Variants in RABGAP1L observed in about 807,000 individuals in gnomAD.
The protein encoded by RABGAP1L is RAB GTPase activating protein 1 like.
Under a neutral mutation model 137.7 loss-of-function variants are expected in RABGAP1L, and 63 were observed. The observed-to-expected ratio is 0.46, with a 90% CI of 0.37 to 0.56. RABGAP1L has a LOEUF of 0.56. RABGAP1L is among the 20% of genes least tolerant of loss of function. RABGAP1L has a pLI of 0.00. For synonymous variants in RABGAP1L, 431 were observed against 433.7 expected (o/e 0.99, Z 0.08); for missense variants, 1,095 against 1,244.0 (o/e 0.88, Z 1.80).
intron 11 of RABGAP1L, among the ~76,000 whole-genome samples, chr1:174,317,682 C>G (rs1432569348): frequency 6.6e-6 from 1 of 152,194 alleles, no homozygotes; most frequent in African/African-American, 2.4e-5. Flanking sequence ...CCCCAGTCCA[C>G]TGTCTCTGGG....
chr1:174,728,930 C>T (rs376037463), intron 17 of RABGAP1L, among the ~76,000 whole-genome samples: 1 of 152,022 alleles, frequency 6.6e-6, no homozygotes, highest in Admixed American at 6.6e-5. Flanking sequence ...AGTGAGCCAC[C>T]GTGCCTGGCC....
At chr1:174,376,279 T>C (rs1467000153) in intron 12 of RABGAP1L, among the ~76,000 whole-genome samples, 2 of 151,976 alleles carry the variant, frequency 1.3e-5, no homozygotes, top group Non-Finnish European at 2.9e-5. Flanking sequence ...AAAAAATATA[T>C]AAATTCTACA....
At chr1:174,654,643 T>C (rs1315877745) in intron 14 of RABGAP1L, among the ~76,000 whole-genome samples, 1 of 152,184 alleles carries the variant, frequency 6.6e-6, no homozygotes, top group Non-Finnish European at 1.5e-5. Context: ...AAAAAAAATA[T>C]GGTGTTCTAG....
intron 13 of RABGAP1L, among the ~76,000 whole-genome samples, chr1:174,470,307 A>T (rs955070539): frequency 2.0e-5 from 3 of 152,228 alleles, no homozygotes; most frequent in African/African-American, 7.2e-5. Flanking sequence ...GTAATTTTAC[A>T]TATGTACATT....
intron 13 of RABGAP1L, among the ~76,000 whole-genome samples, chr1:174,528,584 G>GTT (rs1398905381): frequency 7.5e-6 from 1 of 133,792 alleles, no homozygotes; most frequent in African/African-American, 2.7e-5. Flanking sequence ...TAGTCTGATG[G>GTT]TTTTTTTTTT....
At chr1:174,939,226 A>C (rs569768999) in intron 19 of RABGAP1L, among the ~76,000 whole-genome samples, 33 of 152,130 alleles carry the variant, frequency 2.2e-4, no homozygotes, top group Middle Eastern at 3.2e-3. Flanking sequence ...TGGTGTTCTA[A>C]CTTTCCTCTC....
chr1:174,852,827 T>A (rs943539962), intron 19 of RABGAP1L, among the ~76,000 whole-genome samples: 10 of 133,766 alleles, frequency 7.5e-5, no homozygotes, highest in East Asian at 2.3e-4. Flanking sequence ...AAAAAAAAAA[T>A]AAAAACAAAA....
rs1198588036 is a variant in RABGAP1L, at chr1:174,550,931, T to TAC, written c.1711-86440_1711-86439dup. Among the ~76,000 whole-genome samples the TAC allele has an allele frequency of 2.5e-4, 21 of 85,502 alleles. 1 individual carries two copies. The highest frequency in any genetic ancestry group is 8.4e-4 in the African/African-American group (13 of 15,396). The allele number at this position is 85,502 out of a possible 152,430, so 56.1% of individuals were successfully genotyped here. On this transcript the variant is annotated intron_variant, in intron 13 of 25. Coordinates refer to ENST00000681986, the MANE Select transcript of RABGAP1L (RefSeq NM_001366446.1). Reference sequence around the variant, plus strand: ...ATATACACACACACACATATATATATACACATATATATACACACATATATA... The same window carrying TAC: ...ATATACACACACACACATATATATATACACACATATATATACACACATATATA...
intron 1 of RABGAP1L, among the ~76,000 whole-genome samples, chr1:174,194,696 C>CA (rs1667447130): frequency 6.6e-6 from 1 of 152,028 alleles, no homozygotes; most frequent in African/African-American, 2.4e-5. Context: ...TAGCCACAGT[C>CA]TCTTGAATAG....
intron 1 of RABGAP1L, among the ~76,000 whole-genome samples, chr1:174,202,875 G>T (rs1010658233): frequency 1.1e-4 from 16 of 152,150 alleles, no homozygotes; most frequent in African/African-American, 2.2e-4. Context: ...CATATGGCTA[G>T]CCAGTTTTCC....
chr1:174,374,492 A>T (rs566539910), intron 12 of RABGAP1L, among the ~76,000 whole-genome samples: 1 of 151,644 alleles, frequency 6.6e-6, no homozygotes, highest in Non-Finnish European at 1.5e-5. Context: ...TTATACTCCA[A>T]TTGAAATTAA....
chr1:174,539,379 G>T (rs2147925192), intron 13 of RABGAP1L, among the ~76,000 whole-genome samples: 1 of 151,884 alleles, frequency 6.6e-6, no homozygotes, highest in South Asian at 2.1e-4. Context: ...TGCCACGTGG[G>T]TGTGCTGTAC....
chr1:174,606,361 T>G (rs1402996931), intron 13 of RABGAP1L, among the ~76,000 whole-genome samples: 1 of 152,232 alleles, frequency 6.6e-6, no homozygotes, highest in Non-Finnish European at 1.5e-5. Context: ...TCTTTCAGAT[T>G]GTGCCCTGAT....
At chr1:174,839,217 A>G (rs936484921) in intron 19 of RABGAP1L, among the ~76,000 whole-genome samples, 1 of 152,236 alleles carries the variant, frequency 6.6e-6, no homozygotes. Flanking sequence ...TATACTTTTC[A>G]TGAGACCTGG....
intron 11 of RABGAP1L, among the ~76,000 whole-genome samples, chr1:174,310,626 T>A (rs1678740542): frequency 6.6e-6 from 1 of 152,204 alleles, no homozygotes; most frequent in Non-Finnish European, 1.5e-5. Flanking sequence ...TGATGTTGAG[T>A]GCATATATTT....
intron 1 of RABGAP1L, among the ~76,000 whole-genome samples, chr1:174,211,287 C>G (rs1422466021): frequency 6.6e-6 from 1 of 152,022 alleles, no homozygotes; most frequent in Admixed American, 6.6e-5. Flanking sequence ...AACAACTTTT[C>G]AAGACATAGA....
At chr1:174,453,468 A>C (rs1655670765) in intron 13 of RABGAP1L, among the ~76,000 whole-genome samples, 1 of 152,218 alleles carries the variant, frequency 6.6e-6, no homozygotes, top group African/African-American at 2.4e-5. Context: ...ATACAATTAC[A>C]TAATAAGTAG....
intron 17 of RABGAP1L, among the ~76,000 whole-genome samples, chr1:174,708,875 C>T (rs984728979): frequency 6.6e-6 from 1 of 152,196 alleles, no homozygotes; most frequent in Non-Finnish European, 1.5e-5. Flanking sequence ...AGTGGTCTGT[C>T]TCAGCAGAAC....
intron 13 of RABGAP1L, among the ~76,000 whole-genome samples, chr1:174,475,772 T>TAAAAAAA (rs61597461): frequency 5.7e-5 from 4 of 69,930 alleles, no homozygotes; most frequent in South Asian, 5.6e-4. Flanking sequence ...CCCCGTGTCT[T>TAAAAAAA]AAAAAAAAAA....
Sources: gnomAD v4.1 joint callset for allele counts (sites outside exome capture counted in the v4.1 genomes callset) on GRCh38, gnomAD v4.1.1 for gene constraint, MANE v1.5 for transcripts, NCBI Gene and HGNC (gene_info 2026-07-23, HGNC 2026-07-21) for gene names.